PRKD1: variants seen among roughly 807,000 people sequenced by gnomAD.
The protein encoded by PRKD1 is serine/threonine-protein kinase D1.
A neutral mutation model predicts 95.9 loss-of-function variants in PRKD1; 63 were observed. The ratio of observed to expected loss-of-function variants is 0.66; its 90% CI spans 0.54 to 0.81. The LOEUF is 0.81. Ranked by LOEUF, PRKD1 falls within the 30% of genes least tolerant of loss-of-function variation. PRKD1 has a pLI of 0.00. For synonymous variants in PRKD1, 425 were observed against 423.1 expected (o/e 1.00, Z -0.05); for missense variants, 1,048 against 1,165.3 (o/e 0.90, Z 1.47).
At position 29,761,688 on chromosome 14, in the gene PRKD1, T is replaced by C. The variant is rs552241965; in HGVS notation, c.265-36014A>G. On this transcript the variant is annotated intron_variant, in intron 1 of 17. Coordinates refer to ENST00000331968, the MANE Select transcript of PRKD1 (RefSeq NM_002742.3). The stretch of plus-strand genomic sequence containing the variant: ...AAAAGAGAGCACAGTATACAATTTT[T>C]AGAAAAGCATCCTCCCTGCATAAAG... Among the ~76,000 whole-genome samples, 14 of 152,278 alleles carry C rather than the reference T, an allele frequency of 9.2e-5. No individual in the cohort carries two copies. The East Asian group carries it at 1.2e-3, about 13-fold the overall frequency.
At chr14:29,693,504 T>C (rs1281602020) in intron 2 of PRKD1, among the ~76,000 whole-genome samples, 1 of 151,992 alleles carries the variant, frequency 6.6e-6, no homozygotes, top group Admixed American at 6.5e-5. Context: ...ACTGAGATTG[T>C]TGGAAAGTTT....
intron 2 of PRKD1, among the ~76,000 whole-genome samples, chr14:29,706,548 C>T (rs79864588): frequency 0.03 from 4,517 of 152,096 alleles, 89 homozygotes; most frequent in Middle Eastern, 0.048. Context: ...CAACAATCAG[C>T]GTGAAAGTTT....
intron 1 of PRKD1, among the ~76,000 whole-genome samples, chr14:29,917,721 A>G (rs1054437539): frequency 1.3e-5 from 2 of 152,154 alleles, no homozygotes; most frequent in African/African-American, 4.8e-5. Context: ...AAAACTTTGT[A>G]TACTGAAACA....
intron 1 of PRKD1, among the ~76,000 whole-genome samples, chr14:29,859,253 C>G (rs941577339): frequency 1.3e-5 from 2 of 151,916 alleles, no homozygotes; most frequent in Non-Finnish European, 2.9e-5. Flanking sequence ...GGGTGGATCA[C>G]GAGGTCAGGA....
At chr14:29,663,076 T>C (rs1226228186) in intron 4 of PRKD1, among the ~76,000 whole-genome samples, 1 of 146,158 alleles carries the variant, frequency 6.8e-6, no homozygotes, top group Non-Finnish European at 1.5e-5. Context: ...ATATAATATA[T>C]ATAAAATATA....
At chr14:29,660,971 A>C (rs1882154743) in intron 4 of PRKD1, among the ~76,000 whole-genome samples, 1 of 152,058 alleles carries the variant, frequency 6.6e-6, no homozygotes, top group Non-Finnish European at 1.5e-5. Context: ...CACATCTTGG[A>C]ATTTTTTAAA....
intron 16 of PRKD1, among the ~76,000 whole-genome samples, chr14:29,581,841 T>A (rs1180505098): frequency 6.6e-6 from 1 of 152,166 alleles, no homozygotes; most frequent in Non-Finnish European, 1.5e-5. Flanking sequence ...ATTAATACAA[T>A]TATTAGAACT....
At chr14:29,868,521 C>A (rs537257107) in intron 1 of PRKD1, among the ~76,000 whole-genome samples, 56 of 152,268 alleles carry the variant, frequency 3.7e-4, no homozygotes, top group African/African-American at 1.3e-3. Flanking sequence ...GAGGTACATA[C>A]ACTTGGAGAG....
At chr14:29,882,574 TAA>T (rs998118651) in intron 1 of PRKD1, among the ~76,000 whole-genome samples, 8 of 152,354 alleles carry the variant, frequency 5.3e-5, no homozygotes, top group Non-Finnish European at 8.8e-5. Flanking sequence ...TCAGTAATGT[TAA>T]GTGTATTCAC....
chr14:29,826,161 C>T (rs1891099982), intron 1 of PRKD1, among the ~76,000 whole-genome samples: 1 of 144,938 alleles, frequency 6.9e-6, no homozygotes. Flanking sequence ...TATATACACA[C>T]ACATATATAT....
intron 1 of PRKD1, among the ~76,000 whole-genome samples, chr14:29,730,020 C>A (rs1372906944): frequency 6.6e-6 from 1 of 151,678 alleles, no homozygotes; most frequent in African/African-American, 2.4e-5. Context: ...CAAAAAAAAG[C>A]AAATATAGAC....
chr14:29,777,459 C>A (rs1013382352), intron 1 of PRKD1, among the ~76,000 whole-genome samples: 22 of 151,936 alleles, frequency 1.4e-4, no homozygotes, highest in Non-Finnish European at 3.2e-4. Context: ...ATCTACCAAG[C>A]AAATGGAAAA....
At chr14:29,683,168 T>C (rs962560837) in intron 2 of PRKD1, among the ~76,000 whole-genome samples, 3 of 152,152 alleles carry the variant, frequency 2.0e-5, no homozygotes, top group African/African-American at 7.2e-5. Flanking sequence ...GTGAGGACAC[T>C]GGTCAGAAAG....
rs553384101 is a variant in PRKD1 at position 29,649,832 on chromosome 14, C to T, written c.697-10928G>A. 6.6e-5 allele frequency among the ~76,000 whole-genome samples: 10 copies of T among 152,200 alleles called. No individual in the cohort carries two copies. In the South Asian group the frequency reaches 1.5e-3, roughly 22 times the overall value. ...GGTTTTGACGATTTTCCTCCCATTT[C>T]CTCCCAGTAACGACACAGCACATTC... On this transcript the variant is annotated intron_variant, in intron 4 of 17. Coordinates refer to ENST00000331968, the MANE Select transcript of PRKD1 (RefSeq NM_002742.3).
intron 1 of PRKD1, among the ~76,000 whole-genome samples, chr14:29,895,960 GCTTA>G (rs1894110244): frequency 6.6e-6 from 1 of 152,114 alleles, no homozygotes; most frequent in Admixed American, 6.5e-5. Context: ...TACTCACTAT[GCTTA>G]CTTTTCATTG....
intron 2 of PRKD1, among the ~76,000 whole-genome samples, chr14:29,694,905 GA>G (rs1482986990): frequency 1.3e-5 from 2 of 152,110 alleles, no homozygotes; most frequent in Non-Finnish European, 2.9e-5. Context: ...AGAGATCAAT[GA>G]AAGAATATAA....
intron 16 of PRKD1, among the ~76,000 whole-genome samples, chr14:29,585,618 G>T (rs1892895415): frequency 1.3e-5 from 2 of 152,082 alleles, no homozygotes; most frequent in Admixed American, 1.3e-4. Flanking sequence ...TCATTTTAAT[G>T]AACTAGGCAT....
At position 29,653,528 on chromosome 14, in the gene PRKD1, A is replaced by G. The variant is rs1881642095; in HGVS notation, c.696+10171T>C. Among the ~76,000 whole-genome samples, 4 of 152,234 alleles carry G rather than the reference A, an allele frequency of 2.6e-5. No homozygotes were observed. In the South Asian group the frequency reaches 8.3e-4, roughly 32 times the overall value. The stretch of plus-strand genomic sequence containing the variant: ...TATCCTATGGTCACACAGGTCATCC[A>G]ATATCTTAAATTCTGCTTCATTTTC... On this transcript the variant is annotated intron_variant, in intron 4 of 17. Transcript: ENST00000331968.
At chr14:29,590,717 A>G (rs993126399) in intron 16 of PRKD1, among the ~76,000 whole-genome samples, 1 of 152,214 alleles carries the variant, frequency 6.6e-6, no homozygotes, top group African/African-American at 2.4e-5. Context: ...CTGTAACCCC[A>G]TATCTTCAAA....
Sources: allele counts gnomAD v4.1 joint callset (sites outside exome capture counted in the v4.1 genomes callset), GRCh38; gene constraint gnomAD v4.1.1; transcripts MANE v1.5; gene names NCBI Gene and HGNC (gene_info 2026-07-23, HGNC 2026-07-21).